The following TUBB8B variants were observed in gnomAD, a reference collection of about 807,000 sequenced individuals.
TUBB8B encodes the protein tubulin beta 8B.
A neutral mutation model predicts 31.9 loss-of-function variants in TUBB8B; 26 were observed. The ratio of observed to expected loss-of-function variants is 0.81; its 90% CI spans 0.60 to 1.13. TUBB8B has a LOEUF of 1.13. TUBB8B is among the 50% of genes most tolerant of loss of function. TUBB8B has a pLI of 0.00. For synonymous variants in TUBB8B, 173 were observed against 231.0 expected, an observed-to-expected ratio of 0.75 and a Z score of 2.28; for missense variants, 467 against 586.7, an observed-to-expected ratio of 0.80 and a Z score of 2.11.
the TUBB8B span, among the ~76,000 whole-genome samples, chr18:60,017 G>A: frequency 5.3e-5 from 8 of 151,672 alleles, no homozygotes; most frequent in South Asian, 2.1e-4. Context: ...ATATGGGCCC[G>A]TAGTTTGCTT....
chr18:72,177 C>CAAAAA, the TUBB8B span, among the ~76,000 whole-genome samples: 107 of 78,744 alleles, frequency 1.4e-3, no homozygotes, highest in African/African-American at 3.2e-3. Context: ...GACTCCATCT[C>CAAAAA]AAAAAAAAAA....
the TUBB8B span, among the ~76,000 whole-genome samples, chr18:63,714 A>AACCCTAACCCTAACCCTAACCCTAACC: frequency 1.5e-5 from 2 of 137,524 alleles, no homozygotes; most frequent in Admixed American, 6.9e-5. Context: ...TAACCCTAAC[A>AACCCTAACCCTAACCCTAACCCTAACC]CTAACCCTAA....
At chr18:59,546 C>CTTTTTTT in the TUBB8B span, among the ~76,000 whole-genome samples, 4 of 136,848 alleles carry the variant, frequency 2.9e-5, no homozygotes, top group African/African-American at 5.4e-5. Context: ...GTCCTTCATT[C>CTTTTTTT]TTTTTTTTTT....
chr18:49,223 G>A lies in TUBB8B; in HGVS notation c.72C>T (p.Ile24=), dbSNP rs1409331677. 5.2e-6 allele frequency: 8 copies of A among 1,535,866 alleles called. 1 individual carries two copies. Among genetic ancestry groups the A allele is most frequent in the Non-Finnish European group, 7.0e-6 (8 of 1,145,248 alleles). The part of the protein sequence containing the change: ...NQIGAKFWEV[I]SDEHAIDSAG... ...CGGAGTCGATGGCATGTTCATCAGA[G>A]ATCACCTCCCAGAACTGCAAGAGAC... The change falls in exon 2 of 4, where the codon ATC becomes ATT. Residue 24 remains isoleucine, a synonymous_variant. Transcript: ENST00000308911.
the TUBB8B span, among the ~76,000 whole-genome samples, chr18:55,740 C>T: frequency 1.5e-4 from 23 of 151,886 alleles, no homozygotes; most frequent in African/African-American, 2.2e-4. Context: ...CTATTAATTG[C>T]TTTTCAGATG....
At chr18:72,991 T>A in the TUBB8B span, among the ~76,000 whole-genome samples, 3 of 151,942 alleles carry the variant, frequency 2.0e-5, no homozygotes, top group African/African-American at 7.3e-5. Context: ...AAACAAAAAA[T>A]GAGCACTGAT....
chr18:71,566 A>T, the TUBB8B span, among the ~76,000 whole-genome samples: 4 of 97,248 alleles, frequency 4.1e-5, no homozygotes, highest in South Asian at 3.7e-4. Context: ...ACAAAAAAAA[A>T]TTTAAAAAAA....
chr18:52,269 A>T (rs180812225), upstream of TUBB8B, among the ~76,000 whole-genome samples: 528 of 151,930 alleles, frequency 3.5e-3, 6 homozygotes, highest in Non-Finnish European at 5.3e-3. Context: ...TTCCTGGGGC[A>T]GCCTCCAGGC....
At chr18:72,925 C>T in the TUBB8B span, among the ~76,000 whole-genome samples, 1 of 152,142 alleles carries the variant, frequency 6.6e-6, no homozygotes, top group Non-Finnish European at 1.5e-5. Flanking sequence ...CGAGATCGCG[C>T]CATTGCACTC....
the TUBB8B span, among the ~76,000 whole-genome samples, chr18:64,414 A>G: frequency 2.6e-5 from 4 of 152,204 alleles, no homozygotes; most frequent in African/African-American, 9.7e-5. Context: ...TTAAAAGAAT[A>G]TTAAAATATC....
chr18:47,605 T>C lies in TUBB8B; in HGVS notation c.1120A>G (p.Ile374Val), dbSNP rs772340644. 6.2e-7 allele frequency: 1 copy of C among 1,612,586 alleles called. No homozygotes were observed. Among genetic ancestry groups the C allele is most frequent in the Middle Eastern group, 1.8e-4 (1 of 5,580 alleles). Residue 374 changes from isoleucine (I) to valine (V), a missense_variant, in exon 4 of 4, where the codon ATC becomes GTC. By Grantham distance (29) the Ile-to-Val change is conservative (BLOSUM62 3). Coordinates refer to ENST00000308911, the MANE Select transcript of TUBB8B (RefSeq NM_001358689.2). ...SATFIGNNAA[I>V]QELFTCVSEQ... ...GAGACACATGTGAAGAGTTCCTGGA[T>C]GGCCGCATTATTCCCAATGAAGGTG...
At chr18:66,240 A>G in the TUBB8B span, among the ~76,000 whole-genome samples, 5 of 152,146 alleles carry the variant, frequency 3.3e-5, no homozygotes, top group African/African-American at 9.7e-5. Context: ...AAAAAGAAAG[A>G]AAAAGAAATT....
chr18:47,313 C>T lies in TUBB8B; in HGVS notation c.*77G>A, dbSNP rs1015840491. 6.5e-5 allele frequency: 39 copies of T among 603,646 alleles called. No individual in the cohort carries two copies. The highest frequency in any genetic ancestry group is 9.6e-5 in the South Asian group (5 of 52,342). The allele number at this position is 603,646 out of a possible 1,614,324, so 37.4% of individuals were successfully genotyped here. ...AGATGTGAAGACACAAATTAACAAG[C>T]GTATAGTGACACATGGCTGTCAGAA... On this transcript the variant is annotated 3_prime_UTR_variant, in exon 4 of 4. Transcript: ENST00000308911.
the TUBB8B span, among the ~76,000 whole-genome samples, chr18:68,625 A>C: frequency 6.6e-6 from 1 of 152,008 alleles, no homozygotes; most frequent in Non-Finnish European, 1.5e-5. Flanking sequence ...AGCACAATCC[A>C]CCCGCCCACA....
chr18:52,544 G>A (rs1906151900), upstream of TUBB8B, among the ~76,000 whole-genome samples: 1 of 151,552 alleles, frequency 6.6e-6, no homozygotes, highest in South Asian at 2.1e-4. Flanking sequence ...AGTAATAGTG[G>A]GTAATCATTC....
the TUBB8B span, among the ~76,000 whole-genome samples, chr18:55,850 G>T: frequency 6.6e-6 from 1 of 151,528 alleles, no homozygotes; most frequent in Non-Finnish European, 1.5e-5. Context: ...AATTCCATTT[G>T]TCCATGTTTG....
At chr18:68,057 C>T in the TUBB8B span, among the ~76,000 whole-genome samples, 49 of 152,262 alleles carry the variant, frequency 3.2e-4, no homozygotes, top group East Asian at 1.4e-3. Context: ...AGACTCTTAC[C>T]GGGGTGCTTG....
chr18:59,419 C>T, the TUBB8B span, among the ~76,000 whole-genome samples: 3 of 151,242 alleles, frequency 2.0e-5, no homozygotes, highest in Non-Finnish European at 1.5e-5. Context: ...TCATATATGA[C>T]TTTTATTATG....
chr18:47,637 A>C lies in TUBB8B; in HGVS notation c.1088T>G (p.Met363Arg), dbSNP rs1321330949. ...VCDIPPRGLK[M>R]SATFIGNNAA... The stretch of plus-strand genomic sequence containing the variant: ...ATTATTCCCAATGAAGGTGGCTGAC[A>C]TTTTTAGCCCCCGGGGTGGGATGTC... Residue 363 changes from methionine to arginine, a missense_variant, in exon 4 of 4, where the codon ATG becomes AGG. By Grantham distance (91) the Met-to-Arg change is moderately conservative (BLOSUM62 -1). Coordinates refer to ENST00000308911, the MANE Select transcript of TUBB8B (RefSeq NM_001358689.2). The C allele has an allele frequency of 6.2e-7, 1 of 1,612,680 alleles. No individual in the cohort carries two copies. Among genetic ancestry groups the C allele is most frequent in the Admixed American group, 1.7e-5 (1 of 60,008 alleles).
Sources: allele counts gnomAD v4.1 joint callset (sites outside exome capture counted in the v4.1 genomes callset), GRCh38; gene constraint gnomAD v4.1.1; transcripts MANE v1.5; gene names NCBI Gene and HGNC (gene_info 2026-07-23, HGNC 2026-07-21).